FLVCR2: variants seen among roughly 807,000 people sequenced by gnomAD.
FLVCR2 encodes the protein FLVCR choline and putative heme transporter 2.
In FLVCR2, 38 loss-of-function variants were observed where a neutral mutation model predicts 48.9. That is an observed-to-expected ratio of 0.78 (90% CI 0.60 to 1.02). The LOEUF (loss-of-function observed/expected upper bound fraction) is 1.02, where lower values mean the gene tolerates loss of function less well. Ranked by LOEUF, FLVCR2 falls within the 50% of genes least tolerant of loss-of-function variation. The pLI is 0.00. For synonymous variants in FLVCR2, 255 were observed against 257.0 expected (o/e 0.99, Z 0.07); for missense variants, 664 against 663.3 (o/e 1.00, Z -0.01).
At position 75,615,235 on chromosome 14, in the gene FLVCR2, C is replaced by A. The variant is rs144425657; in HGVS notation, c.670-6844C>A. Reference sequence around the variant, plus strand: ...CAGAAAGGTCCGAAGTGGGACAGGGCAGATTCAAAGAGGACTTTGCAGAAG... The same window carrying A: ...CAGAAAGGTCCGAAGTGGGACAGGGAAGATTCAAAGAGGACTTTGCAGAAG... On this transcript the variant is annotated intron_variant, in intron 1 of 9. Coordinates refer to ENST00000238667, the MANE Select transcript of FLVCR2 (RefSeq NM_017791.3). Among the ~76,000 whole-genome samples the A allele has an allele frequency of 1.2e-3, 180 of 152,210 alleles. 2 individuals carry two copies. The East Asian group carries it at 0.032, about 27-fold the overall frequency.
At chr14:75,620,894 T>C (rs1453686822) in intron 1 of FLVCR2, among the ~76,000 whole-genome samples, 1 of 152,254 alleles carries the variant, frequency 6.6e-6, no homozygotes, top group East Asian at 1.9e-4. Context: ...TTTCTTTACC[T>C]GTAGCTCTTT....
Position 75,641,195 on chromosome 14 carries a change from T to C in FLVCR2, c.1355T>C (p.Ile452Thr), listed in dbSNP as rs1890301208. 1.9e-6 allele frequency: 3 copies of C among 1,612,892 alleles called. No individual in the cohort carries two copies. The highest frequency in any genetic ancestry group is 1.3e-5 in the African/African-American group (1 of 74,878). ...LNISAQVFGI[I>T]FTISQGQIID... ...ATGCCTTTCCAGGTATTTGGGATCA[T>C]CTTTACCATCTCCCAGGGCCAGATT... Residue 452 changes from isoleucine to threonine, a missense_variant, in exon 8 of 10, where the codon ATC (isoleucine) becomes ACC (threonine). By Grantham distance (89) the Ile-to-Thr change is moderately conservative. Coordinates refer to ENST00000238667, the MANE Select transcript of FLVCR2 (RefSeq NM_017791.3).
rs75002047 is a variant in FLVCR2 at position 75,646,659 on chromosome 14, T to C, written c.*187T>C. On this transcript the variant is annotated 3_prime_UTR_variant, in exon 10 of 10. Transcript: ENST00000238667. ...GCTTGGATGATTTAGTTGGAGAAAA[T>C]TGCACCTATCACCAAATGCAAATTT... is the stretch of plus-strand genomic sequence containing the variant. 6,557 of 631,496 alleles carry C rather than the reference T, an allele frequency of 0.01. 52 individuals are homozygous for C. The highest frequency in any genetic ancestry group is 0.015 in the Non-Finnish European group (5,135 of 341,744). 39.1% of individuals were successfully genotyped at this position (631,496 alleles called of 1,614,324 possible). A position where few individuals can be genotyped will look rare whatever the true frequency, so the allele number is the denominator to read the frequency against.
intron 1 of FLVCR2, among the ~76,000 whole-genome samples, chr14:75,606,164 T>C (rs1285716504): frequency 6.6e-6 from 1 of 152,200 alleles, no homozygotes; most frequent in Admixed American, 6.5e-5. Flanking sequence ...TAGCTGGAAC[T>C]ACAGGCTCAT....
chr14:75,624,860 G>A (rs2140040154), intron 3 of FLVCR2, 108 bp downstream of exon 3: 2 of 1,389,252 alleles, frequency 1.4e-6, no homozygotes, highest in African/African-American at 2.8e-5. Flanking sequence ...TGCATGTAAA[G>A]CTGTTGTCTA....
chr14:75,621,649 G>C (rs1431856605), intron 1 of FLVCR2, among the ~76,000 whole-genome samples: 2 of 152,104 alleles, frequency 1.3e-5, no homozygotes, highest in Admixed American at 6.6e-5. Context: ...CAAGTTCTTG[G>C]GCTTGCAGGG....
chr14:75,587,536 G>A (rs551101354), intron 1 of FLVCR2, among the ~76,000 whole-genome samples: 1 of 152,302 alleles, frequency 6.6e-6, no homozygotes, highest in South Asian at 2.1e-4. Flanking sequence ...TTAGCAGGAA[G>A]AAACCAGTGA....
intron 5 of FLVCR2, among the ~76,000 whole-genome samples, chr14:75,635,658 A>T (rs1165391490): frequency 2.0e-5 from 3 of 152,080 alleles, no homozygotes; most frequent in Admixed American, 6.5e-5. Context: ...TGAGTCTAGG[A>T]GCTCAAAACC....
chr14:75,580,567 C>T (rs1888570460), intron 1 of FLVCR2, among the ~76,000 whole-genome samples: 2 of 152,288 alleles, frequency 1.3e-5, no homozygotes, highest in South Asian at 4.1e-4. Flanking sequence ...TTTATTTCAC[C>T]TGGGTGTAAG....
In FLVCR2 at chr14:75,646,128, A is replaced by C. The variant is rs1022539090; in HGVS notation, c.1510-273A>C. Among the ~76,000 whole-genome samples, 3 of 151,886 alleles carry C rather than the reference A, an allele frequency of 2.0e-5. No homozygotes were observed. The East Asian group carries it at 5.8e-4, about 29-fold the overall frequency. On this transcript the variant is annotated intron_variant, in intron 9 of 9. Transcript: ENST00000238667. ...GTGAGCCTGAAAGAGTGGCACTCGG[A>C]GCTGGATCATTTGTGGTGGCCTTGG...
chr14:75,582,423 T>C (rs143409953), intron 1 of FLVCR2, among the ~76,000 whole-genome samples: 1,627 of 152,248 alleles, frequency 0.011, 37 homozygotes, highest in African/African-American at 0.038. Flanking sequence ...GCAGAAAGTA[T>C]ATGCATCAGG....
At chr14:75,596,248 A>G (rs112215395) in intron 1 of FLVCR2, 3 of 600,612 alleles carry the variant, frequency 5.0e-6, no homozygotes, top group Admixed American at 2.5e-5. Flanking sequence ...GAAAAGCATG[A>G]CTGTCTGCTT....
At chr14:75,623,063 C>A (rs1042632090) in intron 2 of FLVCR2, among the ~76,000 whole-genome samples, 1 of 152,114 alleles carries the variant, frequency 6.6e-6, no homozygotes, top group Non-Finnish European at 1.5e-5. Flanking sequence ...CTCACTGCAA[C>A]CTCTGCCTCC....
At chr14:75,608,210 T>C (rs1889346169) in intron 1 of FLVCR2, among the ~76,000 whole-genome samples, 1 of 152,218 alleles carries the variant, frequency 6.6e-6, no homozygotes, top group African/African-American at 2.4e-5. Flanking sequence ...CACCGGCTCA[T>C]GGTTCAGGAT....
At chr14:75,605,387 G>A (rs1302046821) in intron 1 of FLVCR2, 7 of 1,329,392 alleles carry the variant, frequency 5.3e-6, no homozygotes, top group Non-Finnish European at 7.0e-6. Flanking sequence ...ATTCTACAGA[G>A]CTAAGGGCCT....
intron 1 of FLVCR2, among the ~76,000 whole-genome samples, chr14:75,608,802 GC>G (rs1889364149): frequency 6.6e-6 from 1 of 152,106 alleles, no homozygotes; most frequent in South Asian, 2.1e-4. Flanking sequence ...GGGTATGGCT[GC>G]CCCCGTATTC....
At chr14:75,631,747 C>G in intron 3 of FLVCR2, 1 of 456,032 alleles carries the variant, frequency 2.2e-6, no homozygotes, top group Admixed American at 2.3e-5. Flanking sequence ...CTCCTTCCCA[C>G]GCTCCACCTC....
rs181671080 is a variant in FLVCR2 at position 75,592,333 on chromosome 14, A to G, written c.669+12692A>G. Among the ~76,000 whole-genome samples the G allele has an allele frequency of 3.0e-3, 463 of 151,930 alleles. 3 individuals carry two copies. Among genetic ancestry groups the G allele is most frequent in the African/African-American group, 0.011 (447 of 41,428 alleles). On this transcript the variant is annotated intron_variant, in intron 1 of 9. Transcript: ENST00000238667. ...CTGCTCTGGCCAGAGCAGCTAGGAGAAGCATCCTGAGGTGGCTCAGGGCAG... is the reference window on the plus strand; with the variant it reads ...CTGCTCTGGCCAGAGCAGCTAGGAGGAGCATCCTGAGGTGGCTCAGGGCAG...
At chr14:75,594,807 C>T (rs546745875) in intron 1 of FLVCR2, among the ~76,000 whole-genome samples, 6 of 152,012 alleles carry the variant, frequency 3.9e-5, no homozygotes, top group Admixed American at 1.3e-4. Context: ...TCAGCCCCAA[C>T]CTCCTGGGCT....
Sources: allele counts gnomAD v4.1 joint callset (sites outside exome capture counted in the v4.1 genomes callset), GRCh38; gene constraint gnomAD v4.1.1; transcripts MANE v1.5; gene names NCBI Gene and HGNC (gene_info 2026-07-23, HGNC 2026-07-21).